Variants in PDE4D observed in about 807,000 individuals in gnomAD.
PDE4D encodes phosphodiesterase 4D, also known as 3',5'-cyclic-AMP phosphodiesterase 4D.
PDE4D carries 24 observed loss-of-function variants against 87.4 expected under a neutral mutation model. That is an observed-to-expected ratio of 0.27 (90% CI 0.20 to 0.39). The LOEUF is 0.39. PDE4D is among the 10% of genes least tolerant of loss of function. The pLI, the probability that PDE4D is intolerant of heterozygous loss-of-function variation, is 1.00. For synonymous variants in PDE4D, 384 were observed against 383.2 expected, an observed-to-expected ratio of 1.00 and a Z score of -0.02; for missense variants, 714 against 1,041.0, an observed-to-expected ratio of 0.69 and a Z score of 4.32.
chr5:59,628,263 G>A (rs763747207), intron 1 of PDE4D, among the ~76,000 whole-genome samples: 2 of 152,132 alleles, frequency 1.3e-5, no homozygotes, highest in Non-Finnish European at 2.9e-5. Flanking sequence ...TGTCATGAGA[G>A]GGCAGCAATG....
intron 1 of PDE4D, among the ~76,000 whole-genome samples, chr5:59,870,385 T>C (rs1223217128): frequency 6.6e-6 from 1 of 152,216 alleles, no homozygotes; most frequent in Admixed American, 6.5e-5. Context: ...TATATAAATG[T>C]AACAAATGCA....
chr5:59,202,676 G>C (rs527724038), intron 2 of PDE4D, among the ~76,000 whole-genome samples: 1 of 152,158 alleles, frequency 6.6e-6, no homozygotes, highest in South Asian at 2.1e-4. Flanking sequence ...TCATAGTAGT[G>C]AATGAGTCTT....
intron 2 of PDE4D, among the ~76,000 whole-genome samples, chr5:60,057,807 T>G (rs766398233): frequency 6.6e-6 from 1 of 151,984 alleles, no homozygotes; most frequent in Non-Finnish European, 1.5e-5. Flanking sequence ...TTGAAGAAAA[T>G]AGAAGTTATA....
At chr5:60,509,949 G>A (rs1427561617) in intron 1 of PDE4D, among the ~76,000 whole-genome samples, 1 of 152,210 alleles carries the variant, frequency 6.6e-6, no homozygotes, top group Non-Finnish European at 1.5e-5. Flanking sequence ...AGTGGGACCA[G>A]TATAAGGGCT....
intron 5 of PDE4D, among the ~76,000 whole-genome samples, chr5:59,054,424 TA>T (rs896075128): frequency 3.3e-5 from 5 of 151,846 alleles, no homozygotes; most frequent in Admixed American, 1.3e-4. Context: ...TTCAGTAATA[TA>T]AAAAAAATGT....
At chr5:59,704,513 T>C (rs1300793933) in intron 1 of PDE4D, among the ~76,000 whole-genome samples, 1 of 152,184 alleles carries the variant, frequency 6.6e-6, no homozygotes, top group Non-Finnish European at 1.5e-5. Flanking sequence ...TCTCCAGCAT[T>C]GACTGAGAAT....
intron 1 of PDE4D, among the ~76,000 whole-genome samples, chr5:59,340,322 T>C (rs1044040874): frequency 1.3e-5 from 2 of 152,228 alleles, no homozygotes; most frequent in Admixed American, 6.5e-5. Context: ...GGCCACAACA[T>C]GTAATTTTAA....
intron 1 of PDE4D, among the ~76,000 whole-genome samples, chr5:60,404,148 G>A (rs1012558111): frequency 2.7e-5 from 4 of 146,774 alleles, no homozygotes; most frequent in Admixed American, 6.9e-5. Flanking sequence ...CCAGCACCCC[G>A]AGTCAGCCAA....
At chr5:59,133,892 G>A (rs1776641263) in intron 5 of PDE4D, among the ~76,000 whole-genome samples, 1 of 152,052 alleles carries the variant, frequency 6.6e-6, no homozygotes, top group Non-Finnish European at 1.5e-5. Flanking sequence ...AAAGACCTAT[G>A]CACAGAAAAA....
chr5:59,348,945 G>A (rs535611615), intron 1 of PDE4D, among the ~76,000 whole-genome samples: 2 of 152,062 alleles, frequency 1.3e-5, no homozygotes, highest in East Asian at 3.9e-4. Flanking sequence ...GCCAGGAATG[G>A]TAGGGTGCAC....
chr5:59,987,091 T>G (rs1462947999), intron 3 of PDE4D: 1 of 152,224 alleles, frequency 6.6e-6, no homozygotes, highest in Non-Finnish European at 1.5e-5. Context: ...TATGACTATT[T>G]GCTGAATTAT....
At chr5:60,203,720 T>A (rs568105526) in intron 1 of PDE4D, among the ~76,000 whole-genome samples, 24 of 152,310 alleles carry the variant, frequency 1.6e-4, no homozygotes, top group African/African-American at 5.8e-4. Context: ...AATTTTATAG[T>A]CAGAATTGTG....
chr5:60,501,558 T>C (rs998090035), intron 1 of PDE4D, among the ~76,000 whole-genome samples: 10 of 151,430 alleles, frequency 6.6e-5, no homozygotes, highest in Non-Finnish European at 1.5e-4. Context: ...TAGTTCTAGA[T>C]CCCTGAGGAA....
At chr5:59,603,616 A>G (rs1396461047) in intron 1 of PDE4D, among the ~76,000 whole-genome samples, 1 of 152,004 alleles carries the variant, frequency 6.6e-6, no homozygotes, top group Non-Finnish European at 1.5e-5. Context: ...AAATAGAACT[A>G]CCATATGATC....
At chr5:60,100,232 T>C (rs1272759848) in intron 2 of PDE4D, among the ~76,000 whole-genome samples, 1 of 152,038 alleles carries the variant, frequency 6.6e-6, no homozygotes, top group African/African-American at 2.4e-5. Context: ...TAACATATAA[T>C]GAGTATTACA....
intron 1 of PDE4D, among the ~76,000 whole-genome samples, chr5:59,749,269 C>CT (rs1432447204): frequency 2.0e-5 from 3 of 151,826 alleles, no homozygotes; most frequent in East Asian, 1.9e-4. Flanking sequence ...GTTGTTGTTT[C>CT]TTTGTTTTTG....
At chr5:60,130,637 G>A (rs1046778821) in intron 2 of PDE4D, among the ~76,000 whole-genome samples, 15 of 152,184 alleles carry the variant, frequency 9.9e-5, no homozygotes, top group African/African-American at 3.6e-4. Context: ...AGTAAAGGGT[G>A]ATGACTTGCA....
intron 1 of PDE4D, among the ~76,000 whole-genome samples, chr5:60,495,220 GTAT>G (rs1749748378): frequency 6.6e-6 from 1 of 152,162 alleles, no homozygotes; most frequent in African/African-American, 2.4e-5. Flanking sequence ...TCAGTCCATG[GTAT>G]TTTGTCTAAC....
chr5:59,389,069 G>A (rs1454541912), intron 1 of PDE4D, among the ~76,000 whole-genome samples: 1 of 151,950 alleles, frequency 6.6e-6, no homozygotes, highest in Non-Finnish European at 1.5e-5. Flanking sequence ...AGGGGAGTTG[G>A]TGAAGCCCCT....
Sources: gnomAD v4.1 joint callset for allele counts (sites outside exome capture counted in the v4.1 genomes callset) on GRCh38, gnomAD v4.1.1 for gene constraint, MANE v1.5 for transcripts, NCBI Gene and HGNC (gene_info 2026-07-23, HGNC 2026-07-21) for gene names.